The following OSBPL6 variants were observed in gnomAD, a reference collection of about 807,000 sequenced individuals.
The protein encoded by OSBPL6 is oxysterol binding protein like 6, also known as oxysterol-binding protein-related protein 6.
Under a neutral mutation model 125.8 loss-of-function variants are expected in OSBPL6, and 49 were observed. The observed-to-expected ratio is 0.39, with a 90% CI of 0.31 to 0.49. The LOEUF is 0.49. Among genes scored for constraint, OSBPL6 ranks in the 20% least tolerant of loss-of-function variants. OSBPL6 has a pLI of 0.88. For missense variants in OSBPL6, 986 were observed against 1,135.4 expected (o/e 0.87, Z 1.89); for synonymous variants, 394 against 391.8 (o/e 1.01, Z -0.07).
At chr2:178,347,031 T>G (rs11886815) in intron 11 of OSBPL6, among the ~76,000 whole-genome samples, 3,431 of 152,318 alleles carry the variant, frequency 0.023, 111 homozygotes, top group African/African-American at 0.076. Context: ...AATAGCCAAT[T>G]TAAGTTTCCA....
At chr2:178,251,013 G>A (rs888942407) in intron 1 of OSBPL6, among the ~76,000 whole-genome samples, 1 of 152,036 alleles carries the variant, frequency 6.6e-6, no homozygotes, top group African/African-American at 2.4e-5. Context: ...GCACCTGGAT[G>A]TGAGATGAGC....
At chr2:178,241,701 C>A (rs1410016877) in intron 1 of OSBPL6, among the ~76,000 whole-genome samples, 1 of 152,162 alleles carries the variant, frequency 6.6e-6, no homozygotes, top group Admixed American at 6.6e-5. Flanking sequence ...TAGGCGTGAG[C>A]CACTGTGCCT....
At chr2:178,231,638 A>ATTTTTTTTT (rs71023433) in intron 1 of OSBPL6, among the ~76,000 whole-genome samples, 1 of 84,572 alleles carries the variant, frequency 1.2e-5, no homozygotes, top group African/African-American at 5.5e-5. Context: ...GGGTGGTCCC[A>ATTTTTTTTT]TTTTTTTTTT....
chr2:178,307,843 C>A (rs190414759), intron 3 of OSBPL6, among the ~76,000 whole-genome samples: 1 of 152,230 alleles, frequency 6.6e-6, no homozygotes, highest in Admixed American at 6.5e-5. Flanking sequence ...ACGGATGACT[C>A]CTGTAGAAAC....
chr2:178,319,023 A>G (rs1282783932), intron 3 of OSBPL6, among the ~76,000 whole-genome samples: 1 of 152,178 alleles, frequency 6.6e-6, no homozygotes, highest in Non-Finnish European at 1.5e-5. Context: ...TCCTCATTTT[A>G]CAGATAGAGG....
chr2:178,264,430 G>A (rs2092163032), intron 1 of OSBPL6, among the ~76,000 whole-genome samples: 1 of 152,162 alleles, frequency 6.6e-6, no homozygotes, highest in Admixed American at 6.5e-5. Context: ...AAACAATTTT[G>A]ACTCAGACAG....
chr2:178,364,525 G>A (rs1348252746), intron 13 of OSBPL6, among the ~76,000 whole-genome samples: 2 of 152,196 alleles, frequency 1.3e-5, no homozygotes, highest in African/African-American at 2.4e-5. Context: ...CCAGGAGGGA[G>A]AATCAGCATG....
intron 1 of OSBPL6, among the ~76,000 whole-genome samples, chr2:178,270,058 C>T (rs1238980482): frequency 6.6e-6 from 1 of 152,176 alleles, no homozygotes; most frequent in Non-Finnish European, 1.5e-5. Context: ...TCTCTTTGCT[C>T]CCTGAGTAGG....
chr2:178,241,316 G>A (rs905979893), intron 1 of OSBPL6, among the ~76,000 whole-genome samples: 11 of 151,578 alleles, frequency 7.3e-5, no homozygotes, highest in Admixed American at 5.9e-4. Context: ...GTTTCACCAC[G>A]TTGGCCAGGA....
chr2:178,324,198 A>G lies in OSBPL6; in HGVS notation c.124A>G (p.Thr42Ala). 6.4e-7 allele frequency: 1 copy of G among 1,562,904 alleles called. No individual in the cohort carries two copies. The highest frequency in any genetic ancestry group is 8.7e-7 in the Non-Finnish European group (1 of 1,143,812). Reference protein sequence around the residue: ...SRQSIHILERTASSSTEPSVS... With the variant: ...SRQSIHILERAASSSTEPSVS... ...TCAGAGTATTCACATACTGGAGAGGACTGCTTCCTCTAGCACCGAGCCCTC... is the reference window on the plus strand; with the variant it reads ...TCAGAGTATTCACATACTGGAGAGGGCTGCTTCCTCTAGCACCGAGCCCTC... Residue 42 changes from threonine (T) to alanine (A), a missense_variant, in exon 4 of 25, where the codon ACT (threonine) becomes GCT (alanine). Transcript: ENST00000190611.
At chr2:178,378,138 CT>C (rs915104300) in intron 15 of OSBPL6, among the ~76,000 whole-genome samples, 27 of 152,222 alleles carry the variant, frequency 1.8e-4, no homozygotes, top group African/African-American at 6.5e-4. Context: ...CTCCTCTGAC[CT>C]TTTGTATCCC....
intron 1 of OSBPL6, among the ~76,000 whole-genome samples, chr2:178,240,777 G>GT (rs2091258171): frequency 2.0e-5 from 3 of 152,022 alleles, no homozygotes; most frequent in Non-Finnish European, 2.9e-5. Context: ...GTTTAGCTGA[G>GT]AACCATTCAC....
intron 3 of OSBPL6, among the ~76,000 whole-genome samples, chr2:178,316,210 A>G (rs1025293081): frequency 2.6e-5 from 4 of 152,206 alleles, no homozygotes; most frequent in African/African-American, 9.6e-5. Context: ...ACTGCTAAGC[A>G]TGTTAATTGA....
chr2:178,276,371 G>GTTTTT (rs71023438), intron 1 of OSBPL6, among the ~76,000 whole-genome samples: 2 of 122,756 alleles, frequency 1.6e-5, no homozygotes, highest in African/African-American at 3.2e-5. Context: ...ATTCTAAATG[G>GTTTTT]TTTTTTTTTT....
At position 178,397,227 on chromosome 2, in the gene OSBPL6, A is replaced by G. The variant is rs1043938838; in HGVS notation, c.*1668A>G. The G allele has an allele frequency of 6.6e-6, 1 of 152,238 alleles. No individual in the cohort carries two copies. The highest frequency in any genetic ancestry group is 1.5e-5 in the Non-Finnish European group (1 of 68,042). 9.4% of individuals were successfully genotyped at this position (152,238 alleles called of 1,614,324 possible). On this transcript the variant is annotated 3_prime_UTR_variant, in exon 25 of 25. Transcript: ENST00000190611. The stretch of plus-strand genomic sequence containing the variant: ...AGATGGCGCAATATTTTATTTATCC[A>G]AAACTCCTCCCTTGCATCTGAGTTT...
chr2:178,225,458 A>G (rs1334324096), intron 1 of OSBPL6, among the ~76,000 whole-genome samples: 1 of 152,154 alleles, frequency 6.6e-6, no homozygotes, highest in African/African-American at 2.4e-5. Context: ...CAGTGAAGGT[A>G]GTGTCTGGAT....
chr2:178,382,973 T>C, intron 16 of OSBPL6, 51 bp from the exon 17 acceptor site: 1 of 1,586,814 alleles, frequency 6.3e-7, no homozygotes, highest in Non-Finnish European at 8.6e-7. Flanking sequence ...TTCTTGATTT[T>C]GTGAAATCAG....
At chr2:178,317,376 C>G (rs1251381677) in intron 3 of OSBPL6, among the ~76,000 whole-genome samples, 4 of 146,084 alleles carry the variant, frequency 2.7e-5, no homozygotes, top group African/African-American at 5.0e-5. Context: ...GTCTTCTTTC[C>G]TGCTTACATT....
intron 1 of OSBPL6, among the ~76,000 whole-genome samples, chr2:178,241,364 G>A (rs2091284935): frequency 6.7e-6 from 1 of 150,252 alleles, no homozygotes; most frequent in Non-Finnish European, 1.5e-5. Flanking sequence ...CTCCCGCCTC[G>A]GCCTCCCAAA....
Sources: gnomAD v4.1 joint callset for allele counts (sites outside exome capture counted in the v4.1 genomes callset) on GRCh38, gnomAD v4.1.1 for gene constraint, MANE v1.5 for transcripts, NCBI Gene and HGNC (gene_info 2026-07-23, HGNC 2026-07-21) for gene names.